SGO1: variants seen among roughly 807,000 people sequenced by gnomAD.
SGO1 encodes serologically defined breast cancer antigen NY-BR-85.
SGO1 carries 39 observed loss-of-function variants against 50.5 expected under a neutral mutation model. The observed-to-expected ratio is 0.77, with a 90% CI of 0.60 to 1.01. The LOEUF (loss-of-function observed/expected upper bound fraction) is 1.01, where lower values mean the gene tolerates loss of function less well. Ranked by LOEUF, SGO1 falls within the 50% of genes least tolerant of loss-of-function variation. SGO1 has a pLI of 0.00. For synonymous variants in SGO1, 191 were observed against 205.1 expected (o/e 0.93, Z 0.59); for missense variants, 638 against 606.0 (o/e 1.05, Z -0.55).
chr3:20,167,005 AC>A (rs1700341049), downstream of SGO1, among the ~76,000 whole-genome samples: 3 of 152,014 alleles, frequency 2.0e-5, no homozygotes, highest in South Asian at 6.2e-4. Flanking sequence ...GAATAAAAAA[AC>A]AAAAATAAAA....
At chr3:20,185,840 A>T (rs1215262342) in intron 1 of SGO1, 108 bp downstream of exon 1, 1 of 152,230 alleles carries the variant, frequency 6.6e-6, no homozygotes, top group Non-Finnish European at 1.5e-5. Flanking sequence ...AACGGCGAAA[A>T]GCGCGGCGAG....
chr3:20,171,347 A>G (rs1259413510), intron 6 of SGO1, 115 bp from the exon 7 acceptor site: 1 of 904,120 alleles, frequency 1.1e-6, no homozygotes, highest in Non-Finnish European at 1.6e-6. Flanking sequence ...TTAATAATAG[A>G]ATTTTTTTTT....
downstream of SGO1, chr3:20,169,447 AT>A: frequency 1.0e-6 from 1 of 983,774 alleles, no homozygotes. Context: ...GAGATACTCT[AT>A]TTTTGATATT....
At position 20,174,921 on chromosome 3, in the gene SGO1, GAC is replaced by G; in HGVS notation, c.608_609del (p.Cys203SerfsTer3). On this transcript the variant is annotated frameshift_variant, in exon 6 of 8. Coordinates refer to ENST00000412997, the MANE Select transcript of SGO1 (RefSeq NM_001199251.3). LOFTEE classifies it high-confidence loss of function. ...TCAAAATCATCCAAGCTATCAAACT[GAC>G]ATATACTGTTACAATGTTTCTTTAA... ...SSLKKHCNSI[C>X]QFDSLDDFET... 6.2e-7 allele frequency: 1 copy of G among 1,614,024 alleles called. No individual in the cohort carries two copies.
At chr3:20,165,340 A>G (rs1215346835), downstream of SGO1, among the ~76,000 whole-genome samples, 1 of 152,160 alleles carries the variant, frequency 6.6e-6, no homozygotes, top group Admixed American at 6.6e-5. Context: ...CATGACCCAA[A>G]CACCTGCTAT....
intron 6 of SGO1, among the ~76,000 whole-genome samples, chr3:20,173,758 A>T (rs12497658): frequency 6.6e-6 from 1 of 152,182 alleles, no homozygotes; most frequent in African/African-American, 2.4e-5. Flanking sequence ...TTTCTGAGCC[A>T]GTTTTTAGAG....
chr3:20,172,622 TA>T (rs1306719141), intron 6 of SGO1, among the ~76,000 whole-genome samples: 3 of 151,720 alleles, frequency 2.0e-5, no homozygotes, highest in African/African-American at 7.3e-5. Context: ...TTTTAGAGTA[TA>T]TTTTTTTCGT....
At chr3:20,162,188 A>G (rs1398252590) in intron 8 of SGO1, among the ~76,000 whole-genome samples, 1 of 152,206 alleles carries the variant, frequency 6.6e-6, no homozygotes, top group Non-Finnish European at 1.5e-5. Context: ...TAATCCATGC[A>G]TGTGTAGGAT....
chr3:20,175,269 A>G (rs559049091), intron 5 of SGO1, among the ~76,000 whole-genome samples: 6 of 152,326 alleles, frequency 3.9e-5, no homozygotes, highest in African/African-American at 1.4e-4. Context: ...CTGACATGTG[A>G]AAGAATCTTG....
intron 6 of SGO1, 82 bp from the exon 7 acceptor site, chr3:20,171,314 TA>T: frequency 9.0e-7 from 1 of 1,105,114 alleles, no homozygotes; most frequent in Non-Finnish European, 1.3e-6. Context: ...GTATATATCT[TA>T]ACTGTACACA....
downstream of SGO1, among the ~76,000 whole-genome samples, chr3:20,166,056 CA>C (rs923394132): frequency 7.4e-5 from 11 of 149,272 alleles, no homozygotes; most frequent in African/African-American, 9.8e-5. Context: ...CCATCTCAAA[CA>C]AAAAAAAAGT....
chr3:20,181,067 A>T (rs891674895), intron 3 of SGO1, among the ~76,000 whole-genome samples: 2 of 152,070 alleles, frequency 1.3e-5, no homozygotes, highest in African/African-American at 4.8e-5. Flanking sequence ...GTGAAGGCTG[A>T]GTGTGCTTGA....
intron 3 of SGO1, 57 bp downstream of exon 3, chr3:20,183,551 A>G: frequency 2.2e-6 from 3 of 1,343,292 alleles, no homozygotes; most frequent in South Asian, 2.8e-5. Context: ...AATTGATCTA[A>G]ACTACTTATT....
intron 3 of SGO1, among the ~76,000 whole-genome samples, chr3:20,180,969 ACAAAAAAATTAGACAGGTGTGG>A (rs2125364169): frequency 6.6e-6 from 1 of 152,244 alleles, no homozygotes; most frequent in African/African-American, 2.4e-5. Flanking sequence ...TCTACCCCCA[ACAAAAAAATTAGACAGGTGTGG>A]CAGTGCATGC....
At chr3:20,180,499 G>A (rs938020800) in intron 3 of SGO1, among the ~76,000 whole-genome samples, 1 of 152,142 alleles carries the variant, frequency 6.6e-6, no homozygotes, top group Non-Finnish European at 1.5e-5. Context: ...TGGAGAGGGG[G>A]ATATATAGAA....
At chr3:20,178,479 A>T in intron 3 of SGO1, 132 bp from the exon 4 acceptor site, 1 of 650,018 alleles carries the variant, frequency 1.5e-6, no homozygotes, top group Non-Finnish European at 2.7e-6. Context: ...TGAGACTATA[A>T]CAGCTCAAAA....
downstream of SGO1, among the ~76,000 whole-genome samples, chr3:20,166,655 T>C (rs1229995389): frequency 6.6e-6 from 1 of 151,774 alleles, no homozygotes; most frequent in African/African-American, 2.4e-5. Flanking sequence ...TGGAAAAGGG[T>C]AGTGATGGTT....
intron 6 of SGO1, among the ~76,000 whole-genome samples, chr3:20,172,277 G>A (rs531788879): frequency 6.5e-4 from 99 of 152,278 alleles, no homozygotes; most frequent in African/African-American, 1.9e-3. Context: ...CGAGGTGGGC[G>A]GATCACCTGA....
chr3:20,162,810 A>T (rs1700107655), intron 8 of SGO1, among the ~76,000 whole-genome samples: 1 of 151,774 alleles, frequency 6.6e-6, no homozygotes, highest in Non-Finnish European at 1.5e-5. Flanking sequence ...TAAAAAAAAA[A>T]ATACAATATC....
Sources: allele counts gnomAD v4.1 joint callset (sites outside exome capture counted in the v4.1 genomes callset), GRCh38; gene constraint gnomAD v4.1.1; transcripts MANE v1.5; gene names NCBI Gene and HGNC (gene_info 2026-07-23, HGNC 2026-07-21).